The following PDE1A variants were observed in gnomAD, a reference collection of about 807,000 sequenced individuals.
The protein encoded by PDE1A is dual specificity calcium/calmodulin-dependent 3',5'-cyclic nucleotide phosphodiesterase 1A.
PDE1A carries 35 observed loss-of-function variants against 61.7 expected under a neutral mutation model. That is an observed-to-expected ratio of 0.57 (90% CI 0.43 to 0.75). The LOEUF is 0.75. Ranked by LOEUF, PDE1A falls within the 30% of genes least tolerant of loss-of-function variation. The pLI is 0.00. For synonymous variants in PDE1A, 232 were observed against 213.2 expected (o/e 1.09, Z -0.77); for missense variants, 597 against 630.6 (o/e 0.95, Z 0.57).
At chr2:182,239,486 T>C (rs537034978) in intron 3 of PDE1A, among the ~76,000 whole-genome samples, 14 of 152,144 alleles carry the variant, frequency 9.2e-5, no homozygotes, top group Non-Finnish European at 1.6e-4. Context: ...GCTGTATTCT[T>C]AAGGGCTGAA....
At chr2:182,490,915 A>G (rs2368298) in intron 2 of PDE1A, among the ~76,000 whole-genome samples, 62,405 of 151,928 alleles carry the variant, frequency 0.41, 13,311 homozygotes, top group African/African-American at 0.51. Context: ...CTGTAGACAT[A>G]GTAGGGAAGG....
At chr2:182,626,762 C>CAT in the PDE1A span, among the ~76,000 whole-genome samples, 20 of 10,806 alleles carry the variant, frequency 1.9e-3, no homozygotes, top group Admixed American at 4.8e-3. Context: ...TATATATATA[C>CAT]ATATATATAC....
intron 2 of PDE1A, among the ~76,000 whole-genome samples, chr2:182,448,893 C>A (rs1026904331): frequency 1.3e-5 from 2 of 151,980 alleles, no homozygotes; most frequent in African/African-American, 4.8e-5. Context: ...TCTGGGGAAA[C>A]TGAGACCACA....
At chr2:182,255,250 T>C (rs1279354171) in intron 2 of PDE1A, among the ~76,000 whole-genome samples, 1 of 152,234 alleles carries the variant, frequency 6.6e-6, no homozygotes, top group Non-Finnish European at 1.5e-5. Flanking sequence ...AAGTTAATCA[T>C]TTGTTTGTTT....
chr2:182,628,158 C>A, the PDE1A span, among the ~76,000 whole-genome samples: 1 of 152,036 alleles, frequency 6.6e-6, no homozygotes, highest in Non-Finnish European at 1.5e-5. Flanking sequence ...CTTATCCTTA[C>A]TTGGCCAGAA....
At chr2:182,367,872 G>A (rs1699921707) in intron 1 of PDE1A, among the ~76,000 whole-genome samples, 1 of 151,330 alleles carries the variant, frequency 6.6e-6, no homozygotes, top group Non-Finnish European at 1.5e-5. Context: ...GATATAATTG[G>A]CCTACAAAAA....
chr2:182,311,425 T>C (rs556488636), intron 1 of PDE1A, among the ~76,000 whole-genome samples: 10 of 152,324 alleles, frequency 6.6e-5, no homozygotes, highest in Non-Finnish European at 1.0e-4. Context: ...AGCAAATGTA[T>C]ATAGTCACGT....
chr2:182,374,425 T>A (rs1348760167), intron 1 of PDE1A, among the ~76,000 whole-genome samples: 1 of 152,046 alleles, frequency 6.6e-6, no homozygotes, highest in African/African-American at 2.4e-5. Flanking sequence ...AAGCAAAAAT[T>A]TCTTGAGACA....
intron 1 of PDE1A, among the ~76,000 whole-genome samples, chr2:182,304,776 C>T (rs1261963244): frequency 6.6e-6 from 1 of 152,018 alleles, no homozygotes; most frequent in Non-Finnish European, 1.5e-5. Context: ...TTTAGTGGTG[C>T]CCCAAAACAA....
chr2:182,237,230 C>T (rs569798861), intron 3 of PDE1A, among the ~76,000 whole-genome samples: 4 of 152,160 alleles, frequency 2.6e-5, no homozygotes, highest in Non-Finnish European at 5.9e-5. Flanking sequence ...CAGTGACTCA[C>T]GCCTGTAATC....
chr2:182,340,663 A>G (rs1698126974), intron 1 of PDE1A, among the ~76,000 whole-genome samples: 1 of 152,204 alleles, frequency 6.6e-6, no homozygotes, highest in Non-Finnish European at 1.5e-5. Flanking sequence ...TTAAATAGCT[A>G]GAATGTAAGG....
chr2:182,238,216 C>A (rs1248658710), intron 3 of PDE1A, among the ~76,000 whole-genome samples: 1 of 144,426 alleles, frequency 6.9e-6, no homozygotes, highest in African/African-American at 2.6e-5. Flanking sequence ...TTGCAGGGAG[C>A]CGAGATCGCG....
At chr2:182,228,830 G>A (rs997449646) in intron 6 of PDE1A, among the ~76,000 whole-genome samples, 1 of 152,122 alleles carries the variant, frequency 6.6e-6, no homozygotes, top group African/African-American at 2.4e-5. Context: ...TAATGGATGA[G>A]TAAAGAGGCC....
At chr2:182,647,762 T>G in the PDE1A span, among the ~76,000 whole-genome samples, 1 of 152,186 alleles carries the variant, frequency 6.6e-6, no homozygotes, top group African/African-American at 2.4e-5. Flanking sequence ...TTTACTCCAG[T>G]TCAATTTAGC....
At chr2:182,291,093 T>A (rs538436649) in intron 1 of PDE1A, among the ~76,000 whole-genome samples, 10 of 152,084 alleles carry the variant, frequency 6.6e-5, no homozygotes, top group Non-Finnish European at 1.5e-5. Flanking sequence ...AGCCACAATG[T>A]TAGCTCTGAT....
At chr2:182,651,660 A>G in the PDE1A span, among the ~76,000 whole-genome samples, 17 of 152,260 alleles carry the variant, frequency 1.1e-4, no homozygotes, top group Non-Finnish European at 2.1e-4. Flanking sequence ...TCCATAAGTT[A>G]CCAAAAGGGA....
At chr2:182,606,202 C>T in the PDE1A span, among the ~76,000 whole-genome samples, 1 of 152,126 alleles carries the variant, frequency 6.6e-6, no homozygotes, top group Non-Finnish European at 1.5e-5. Context: ...GATGGAGTCT[C>T]GCCCTTCACC....
intron 1 of PDE1A, among the ~76,000 whole-genome samples, chr2:182,400,759 G>A (rs184833036): frequency 1.3e-5 from 2 of 152,274 alleles, no homozygotes; most frequent in Non-Finnish European, 2.9e-5. Context: ...GCCAAAGCAG[G>A]GTAGGGCAAG....
chr2:182,373,442 A>G (rs1700226894), intron 1 of PDE1A, among the ~76,000 whole-genome samples: 1 of 152,220 alleles, frequency 6.6e-6, no homozygotes, highest in South Asian at 2.1e-4. Context: ...CTTAGGTTCA[A>G]AAACTGGAAA....
Sources: allele counts gnomAD v4.1 joint callset (sites outside exome capture counted in the v4.1 genomes callset), GRCh38; gene constraint gnomAD v4.1.1; transcripts MANE v1.5; gene names NCBI Gene and HGNC (gene_info 2026-07-23, HGNC 2026-07-21).